MAST4: variants seen among roughly 807,000 people sequenced by gnomAD.
MAST4 encodes the protein microtubule-associated serine/threonine-protein kinase 4.
In MAST4, 89 loss-of-function variants were observed where a neutral mutation model predicts 162.7. The ratio of observed to expected loss-of-function variants is 0.55; its 90% CI spans 0.46 to 0.65. The LOEUF (loss-of-function observed/expected upper bound fraction) is 0.65, where lower values mean the gene tolerates loss of function less well. MAST4 is among the 30% of genes least tolerant of loss of function. The probability of loss-of-function intolerance (pLI) is 0.00; values close to 1 mark genes in which losing one functional copy is unlikely to be tolerated. For synonymous variants in MAST4, 1,479 were observed against 1,361.1 expected, an observed-to-expected ratio of 1.09 and a Z score of -1.91; for missense variants, 3,153 against 3,374.0, an observed-to-expected ratio of 0.93 and a Z score of 1.62.
intron 3 of MAST4, among the ~76,000 whole-genome samples, chr5:66,896,621 G>A (rs1469587613): frequency 6.6e-6 from 1 of 152,194 alleles, no homozygotes; most frequent in Non-Finnish European, 1.5e-5. Context: ...AACACGTGCG[G>A]CATGTATAGC....
intron 3 of MAST4, among the ~76,000 whole-genome samples, chr5:66,829,042 C>A (rs758430710): frequency 6.6e-6 from 1 of 152,198 alleles, no homozygotes; most frequent in Non-Finnish European, 1.5e-5. Context: ...AGGTATGACA[C>A]ATCACAGGGT....
chr5:66,996,439 TATC>T (rs552009701), intron 4 of MAST4, among the ~76,000 whole-genome samples: 13 of 152,022 alleles, frequency 8.6e-5, no homozygotes, highest in South Asian at 2.1e-4. Context: ...TTTTTAAAAA[TATC>T]ATTGTTTTAG....
intron 4 of MAST4, chr5:67,001,313 T>G (rs1581158473): frequency 6.6e-6 from 1 of 152,226 alleles, no homozygotes; most frequent in East Asian, 1.9e-4. Flanking sequence ...TCATCTGTAC[T>G]CTTATCTTCA....
At position 67,164,814 on chromosome 5, in the gene MAST4, C is replaced by A; in HGVS notation, c.5635C>A (p.Pro1879Thr). 2 of 1,614,020 alleles carry A rather than the reference C, an allele frequency of 1.2e-6. No individual in the cohort carries two copies. The highest frequency in any genetic ancestry group is 1.7e-6 in the Non-Finnish European group (2 of 1,179,900). ...SYLLEPWFLPPSRGLQNSPAV... is the reference protein window; with the variant it reads ...SYLLEPWFLPTSRGLQNSPAV... The stretch of plus-strand genomic sequence containing the variant: ...CCTGCTGGAGCCTTGGTTCCTGCCC[C>A]CCAGCCGAGGTCTCCAGAATTCACC... The change falls in exon 29 of 29, where the codon CCC becomes ACC. Residue 1879 changes from proline (P) to threonine (T), a missense_variant. Pro to Thr is a conservative substitution (Grantham distance 38). Coordinates refer to ENST00000403625, the MANE Select transcript of MAST4 (RefSeq NM_001164664.2). This position sits in a 1 kb window ranked among gnomAD's most constrained non-coding sequence, Gnocchi z 5.3.
chr5:66,792,748 T>C (rs1755474809), intron 3 of MAST4, among the ~76,000 whole-genome samples: 1 of 152,194 alleles, frequency 6.6e-6, no homozygotes, highest in South Asian at 2.1e-4. Context: ...TGACAAAATT[T>C]GTGAAGAGAT....
chr5:67,113,507 A>G (rs1282615541), intron 11 of MAST4, among the ~76,000 whole-genome samples: 3 of 152,138 alleles, frequency 2.0e-5, no homozygotes, highest in African/African-American at 7.2e-5. Context: ...AGAGGCTTTA[A>G]TTTCCTATTT....
intron 1 of MAST4, among the ~76,000 whole-genome samples, chr5:66,752,349 C>T (rs1753233912): frequency 6.6e-6 from 1 of 150,406 alleles, no homozygotes; most frequent in Admixed American, 6.6e-5. Context: ...CACAGACTGG[C>T]AAATTGGATA....
At chr5:66,753,314 A>G (rs971416603) in intron 1 of MAST4, among the ~76,000 whole-genome samples, 1 of 152,136 alleles carries the variant, frequency 6.6e-6, no homozygotes, top group African/African-American at 2.4e-5. Flanking sequence ...GCAGAACTGA[A>G]GGAAATAGAG....
intron 1 of MAST4, among the ~76,000 whole-genome samples, chr5:66,702,345 C>CT (rs889698761): frequency 7.9e-5 from 12 of 152,288 alleles, no homozygotes; most frequent in African/African-American, 2.2e-4. Context: ...TGAAGATAGT[C>CT]TTTCCTCTCA....
At chr5:66,766,611 G>A (rs932302762) in intron 2 of MAST4, among the ~76,000 whole-genome samples, 3 of 152,014 alleles carry the variant, frequency 2.0e-5, no homozygotes, top group East Asian at 1.9e-4. Flanking sequence ...TAATTACTCT[G>A]TAGTACCCAA....
chr5:66,645,631 A>G (rs971089809), intron 1 of MAST4, among the ~76,000 whole-genome samples: 5 of 152,214 alleles, frequency 3.3e-5, no homozygotes, highest in Admixed American at 6.5e-5. Context: ...GTCTACATAT[A>G]CAGGGATTTT....
intron 4 of MAST4, 137 bp downstream of exon 4, chr5:66,900,119 A>G: frequency 1.6e-6 from 1 of 628,082 alleles, no homozygotes; most frequent in Non-Finnish European, 2.4e-6. Context: ...GAATTTATTT[A>G]TAAAAGTCAA....
chr5:66,680,704 G>T (rs536691166), intron 1 of MAST4, among the ~76,000 whole-genome samples: 2 of 152,178 alleles, frequency 1.3e-5, no homozygotes, highest in Non-Finnish European at 2.9e-5. Flanking sequence ...GCTGAAGCAC[G>T]GGGAGAGGTT....
intron 2 of MAST4, 22 bp downstream of exon 2, chr5:66,759,884 G>T: frequency 6.2e-7 from 1 of 1,612,750 alleles, no homozygotes; most frequent in Non-Finnish European, 8.5e-7. Context: ...CGGCTTGGAT[G>T]AGAGAAGGAA....
intron 4 of MAST4, among the ~76,000 whole-genome samples, chr5:66,959,622 T>A (rs1745753961): frequency 6.6e-6 from 1 of 151,810 alleles, no homozygotes; most frequent in East Asian, 1.9e-4. Flanking sequence ...TTACTGTTTG[T>A]TTATCCCTAT....
Position 67,166,025 on chromosome 5 carries a change from A to G in MAST4, c.6846A>G (p.Leu2282=). Residue 2282 remains leucine, a synonymous_variant, in exon 29 of 29, where the codon CTA becomes CTG. Coordinates refer to ENST00000403625, the MANE Select transcript of MAST4 (RefSeq NM_001164664.2). ...CACTGCACACTGACAGGGCTCCTCT[A>G]GACGCCAAGCCACAACCCACCAGTG... ...SVPLHTDRAP[L]DAKPQPTSGG... 1 of 1,613,524 alleles carries G rather than the reference A, an allele frequency of 6.2e-7. No homozygotes were observed. The highest frequency in any genetic ancestry group is 8.5e-7 in the Non-Finnish European group (1 of 1,179,828).
intron 4 of MAST4, among the ~76,000 whole-genome samples, chr5:67,006,162 A>G (rs1232221757): frequency 2.0e-5 from 3 of 152,248 alleles, no homozygotes; most frequent in Admixed American, 1.3e-4. Context: ...CACTGTTTAT[A>G]TACATGGGTG....
At chr5:66,976,217 G>A (rs1748131444) in intron 4 of MAST4, among the ~76,000 whole-genome samples, 1 of 152,188 alleles carries the variant, frequency 6.6e-6, no homozygotes. Context: ...GGGATGAACT[G>A]GATGGTTCCA....
At chr5:67,161,930 C>T in intron 27 of MAST4, among the ~76,000 whole-genome samples, 1 of 152,144 alleles carries the variant, frequency 6.6e-6, no homozygotes, top group East Asian at 1.9e-4. Context: ...CTTTGCACAG[C>T]CCGATGCCCT....
Sources: gnomAD v4.1 joint callset for allele counts (sites outside exome capture counted in the v4.1 genomes callset) on GRCh38, gnomAD v4.1.1 for gene constraint, Gnocchi (gnomAD v3.1) non-coding constraint, MANE v1.5 for transcripts, NCBI Gene and HGNC (gene_info 2026-07-23, HGNC 2026-07-21) for gene names.